WWC1: variants seen among roughly 807,000 people sequenced by gnomAD.
The protein encoded by WWC1 is WW and C2 domain containing 1, also known as protein KIBRA.
Under a neutral mutation model 138.4 loss-of-function variants are expected in WWC1, and 55 were observed. That is an observed-to-expected ratio of 0.40 (90% CI 0.32 to 0.50). The LOEUF (loss-of-function observed/expected upper bound fraction) is 0.50. Among genes scored for constraint, WWC1 ranks in the 20% least tolerant of loss-of-function variants. WWC1 has a pLI of 0.72. For synonymous variants in WWC1, 524 were observed against 564.9 expected, an observed-to-expected ratio of 0.93 and a Z score of 1.03; for missense variants, 1,226 against 1,420.4, an observed-to-expected ratio of 0.86 and a Z score of 2.20.
intron 1 of WWC1, among the ~76,000 whole-genome samples, chr5:168,320,034 C>CTT (rs199986266): frequency 1.1e-4 from 15 of 140,618 alleles, no homozygotes; most frequent in East Asian, 2.0e-4. Flanking sequence ...TATATATACA[C>CTT]TTTTTTTTTT....
chr5:168,310,503 A>G (rs886431610), intron 1 of WWC1, among the ~76,000 whole-genome samples: 2 of 151,906 alleles, frequency 1.3e-5, no homozygotes, highest in African/African-American at 2.4e-5. Flanking sequence ...TTATAGATAT[A>G]TATAAAATAT....
At chr5:168,294,265 C>A (rs530942483) in intron 1 of WWC1, among the ~76,000 whole-genome samples, 2 of 152,094 alleles carry the variant, frequency 1.3e-5, no homozygotes, top group Non-Finnish European at 2.9e-5. Flanking sequence ...CATGGACCAC[C>A]TCCATGATTT....
At chr5:168,459,857 G>A (rs989162442) in intron 19 of WWC1, among the ~76,000 whole-genome samples, 5 of 152,114 alleles carry the variant, frequency 3.3e-5, no homozygotes, top group Admixed American at 6.6e-5. Flanking sequence ...AATAGGACTC[G>A]AGAAAGAAAT....
chr5:168,417,907 C>T (rs1780779259), intron 9 of WWC1, among the ~76,000 whole-genome samples: 1 of 152,184 alleles, frequency 6.6e-6, no homozygotes, highest in African/African-American at 2.4e-5. Flanking sequence ...GGGAAAGCCG[C>T]CCCAGCTGTC....
intron 20 of WWC1, among the ~76,000 whole-genome samples, chr5:168,461,381 C>T (rs549557790): frequency 2.6e-5 from 4 of 152,316 alleles, no homozygotes; most frequent in African/African-American, 4.8e-5. Flanking sequence ...AGTTAGAGCG[C>T]GTCATCTGAC....
At chr5:168,426,321 G>A (rs1011118138) in intron 11 of WWC1, among the ~76,000 whole-genome samples, 7 of 152,146 alleles carry the variant, frequency 4.6e-5, no homozygotes, top group Non-Finnish European at 1.0e-4. Flanking sequence ...GGCTCAAAGA[G>A]CATGCCTCTG....
intron 1 of WWC1, among the ~76,000 whole-genome samples, chr5:168,322,826 C>T (rs1018456371): frequency 6.6e-6 from 1 of 152,176 alleles, no homozygotes; most frequent in Non-Finnish European, 1.5e-5. Context: ...TCCTTAAAAT[C>T]ACTTCATAGC....
At chr5:168,353,386 G>A (rs1775141043) in intron 1 of WWC1, among the ~76,000 whole-genome samples, 2 of 152,238 alleles carry the variant, frequency 1.3e-5, no homozygotes, top group African/African-American at 4.8e-5. Flanking sequence ...TGCATGTGAA[G>A]TTCTTAAGTA....
intron 7 of WWC1, among the ~76,000 whole-genome samples, chr5:168,408,879 A>G (rs571642742): frequency 6.6e-6 from 1 of 152,292 alleles, no homozygotes; most frequent in Non-Finnish European, 1.5e-5. Context: ...GACGGACGTC[A>G]TGGCCCTGAG....
chr5:168,391,072 A>T (rs1778447456), intron 3 of WWC1, among the ~76,000 whole-genome samples: 1 of 152,086 alleles, frequency 6.6e-6, no homozygotes, highest in Admixed American at 6.5e-5. Flanking sequence ...AATTTAACCC[A>T]CGTCAGTCAG....
At chr5:168,339,518 T>C (rs750243711) in intron 1 of WWC1, among the ~76,000 whole-genome samples, 11 of 152,186 alleles carry the variant, frequency 7.2e-5, no homozygotes, top group Non-Finnish European at 1.5e-4. Flanking sequence ...AAGGGTGGCT[T>C]TCCCTGGTTC....
chr5:168,363,353 G>A (rs1205617754), intron 1 of WWC1, among the ~76,000 whole-genome samples: 4 of 151,712 alleles, frequency 2.6e-5, no homozygotes, highest in Non-Finnish European at 4.4e-5. Flanking sequence ...GGGAAATCCC[G>A]CCTCTACTAA....
chr5:168,360,669 AG>A (rs1296685574), intron 1 of WWC1, among the ~76,000 whole-genome samples: 1 of 152,246 alleles, frequency 6.6e-6, no homozygotes, highest in Non-Finnish European at 1.5e-5. Flanking sequence ...GCCTTGCCCA[AG>A]GGCATCGTCA....
At chr5:168,352,667 T>C (rs866562643) in intron 1 of WWC1, among the ~76,000 whole-genome samples, 2 of 151,568 alleles carry the variant, frequency 1.3e-5, no homozygotes, top group African/African-American at 4.9e-5. Context: ...CGCTGCAACC[T>C]CTGCCTCCCA....
rs982097998 is a variant in WWC1, at chr5:168,472,218, C to T, written c.*3201C>T. On this transcript the variant is annotated 3_prime_UTR_variant, in exon 23 of 23. Transcript: ENST00000265293. ...CCAGCCATGGATGGAGTTGAATTCT[C>T]TATAAACGGTTCACCAGCAAACCAC... 2.6e-5 allele frequency: 4 copies of T among 152,210 alleles called. No homozygotes were observed. The highest frequency in any genetic ancestry group is 9.7e-5 in the African/African-American group (4 of 41,450). The allele number at this position is 152,210 out of a possible 1,614,324, so 9.4% of individuals were successfully genotyped here.
In WWC1 at chr5:168,423,634, C is replaced by G; in HGVS notation, c.1376C>G (p.Ser459Ter). ...LVASSLDSST[S>*]ASFTDLYYDP... ...GCATCCAGCCTGGACTCCTCCACTT[C>G]AGCCAGCTTCACTGACCTCTACTAT... The change falls in exon 11 of 23, where the codon TCA (serine) becomes TGA (stop). Residue 459 changes from serine to a stop codon, truncating the protein, a stop_gained. Transcript: ENST00000265293. LOFTEE classifies it high-confidence loss of function. 1 of 1,614,168 alleles carries G rather than the reference C, an allele frequency of 6.2e-7. No individual in the cohort carries two copies.
At chr5:168,446,300 T>G (rs1360722780) in intron 17 of WWC1, among the ~76,000 whole-genome samples, 1 of 149,498 alleles carries the variant, frequency 6.7e-6, no homozygotes, top group Non-Finnish European at 1.5e-5. Context: ...GACATGCTAT[T>G]GCCGAAGAGA....
intron 1 of WWC1, among the ~76,000 whole-genome samples, chr5:168,316,280 G>A (rs1302719133): frequency 6.6e-6 from 1 of 152,230 alleles, no homozygotes; most frequent in East Asian, 1.9e-4. Context: ...TCAGTGAAGG[G>A]AGAGCAGGTG....
At chr5:168,468,422 C>T (rs972891573) in intron 22 of WWC1, among the ~76,000 whole-genome samples, 7 of 152,050 alleles carry the variant, frequency 4.6e-5, no homozygotes, top group Non-Finnish European at 8.8e-5. Context: ...GCCTGGGCCT[C>T]CCATCCACAG....
Sources: allele counts gnomAD v4.1 joint callset (sites outside exome capture counted in the v4.1 genomes callset), GRCh38; gene constraint gnomAD v4.1.1; transcripts MANE v1.5; gene names NCBI Gene and HGNC (gene_info 2026-07-23, HGNC 2026-07-21).